Variants in GRID1 observed in about 807,000 individuals in gnomAD.
GRID1 encodes glutamate ionotropic receptor delta type subunit 1.
In GRID1, 28 loss-of-function variants were observed where a neutral mutation model predicts 98.0. The ratio of observed to expected loss-of-function variants is 0.29; its 90% CI spans 0.21 to 0.39. The LOEUF (loss-of-function observed/expected upper bound fraction) is 0.39, where lower values mean the gene tolerates loss of function less well. GRID1 is among the 10% of genes least tolerant of loss of function. The pLI is 1.00. For missense variants in GRID1, 1,111 were observed against 1,340.5 expected (o/e 0.83, Z 2.67); for synonymous variants, 553 against 538.5 (o/e 1.03, Z -0.37).
chr10:86,180,264 C>A (rs1474429691), intron 3 of GRID1, among the ~76,000 whole-genome samples: 1 of 152,142 alleles, frequency 6.6e-6, no homozygotes, highest in Non-Finnish European at 1.5e-5. Context: ...CTCAGCAACT[C>A]CTCTCCTCCA....
chr10:86,096,679 C>T (rs753917654), intron 4 of GRID1, among the ~76,000 whole-genome samples: 11 of 152,214 alleles, frequency 7.2e-5, no homozygotes, highest in Non-Finnish European at 1.5e-4. Context: ...TAATGGAATT[C>T]ACTGGTCTTA....
At chr10:85,632,340 C>A (rs1014725740) in intron 13 of GRID1, among the ~76,000 whole-genome samples, 2 of 152,140 alleles carry the variant, frequency 1.3e-5, no homozygotes, top group Admixed American at 1.3e-4. Context: ...ACAATCATGA[C>A]AATAAGCACC....
At chr10:86,140,532 C>T (rs1175267581) in intron 3 of GRID1, among the ~76,000 whole-genome samples, 1 of 152,232 alleles carries the variant, frequency 6.6e-6, no homozygotes, top group African/African-American at 2.4e-5. Flanking sequence ...CCCAGCTGGA[C>T]TGTGTGACAG....
At chr10:86,189,537 C>T (rs1564701748) in intron 3 of GRID1, among the ~76,000 whole-genome samples, 1 of 152,000 alleles carries the variant, frequency 6.6e-6, no homozygotes, top group African/African-American at 2.4e-5. Context: ...ATCACATGCA[C>T]ACATTTCCAC....
At chr10:85,911,680 A>G (rs530893507) in intron 5 of GRID1, among the ~76,000 whole-genome samples, 1 of 152,312 alleles carries the variant, frequency 6.6e-6, no homozygotes, top group South Asian at 2.1e-4. Context: ...TAACAATGGA[A>G]GCTGCCCAGC....
chr10:86,156,638 T>C (rs948953804), intron 3 of GRID1, among the ~76,000 whole-genome samples: 12 of 152,202 alleles, frequency 7.9e-5, no homozygotes, highest in African/African-American at 2.4e-4. Flanking sequence ...CTGTCACCCA[T>C]TGCCAAAAGA....
chr10:85,830,389 T>C (rs1315322241), intron 8 of GRID1, among the ~76,000 whole-genome samples: 1 of 152,092 alleles, frequency 6.6e-6, no homozygotes, highest in Non-Finnish European at 1.5e-5. Flanking sequence ...ATTCTGGACA[T>C]AGACCCTGGC....
At chr10:85,858,142 G>C (rs1843131192) in intron 6 of GRID1, among the ~76,000 whole-genome samples, 1 of 152,218 alleles carries the variant, frequency 6.6e-6, no homozygotes, top group Non-Finnish European at 1.5e-5. Context: ...GCTCTGTCCT[G>C]TCTGCCACTG....
intron 3 of GRID1, among the ~76,000 whole-genome samples, chr10:86,166,457 T>C (rs1393997977): frequency 6.6e-6 from 1 of 152,214 alleles, no homozygotes; most frequent in Non-Finnish European, 1.5e-5. Flanking sequence ...TTAGCAGCAT[T>C]TACTGAGCCA....
At chr10:85,781,991 T>C (rs998250260) in intron 8 of GRID1, among the ~76,000 whole-genome samples, 1 of 152,232 alleles carries the variant, frequency 6.6e-6, no homozygotes, top group African/African-American at 2.4e-5. Flanking sequence ...ATTGGTTTGA[T>C]CTATTTTTGT....
chr10:86,105,193 C>T (rs1844363108), intron 4 of GRID1, among the ~76,000 whole-genome samples: 1 of 152,276 alleles, frequency 6.6e-6, no homozygotes, highest in Non-Finnish European at 1.5e-5. Flanking sequence ...AACTGTTACC[C>T]CAAATACCTG....
chr10:85,993,842 G>A (rs752421477), intron 4 of GRID1, among the ~76,000 whole-genome samples: 30 of 152,008 alleles, frequency 2.0e-4, no homozygotes, highest in Non-Finnish European at 2.8e-4. Context: ...AATGAGACTC[G>A]CCCAAAATCA....
intron 8 of GRID1, among the ~76,000 whole-genome samples, chr10:85,734,384 C>T (rs1564574011): frequency 6.6e-6 from 1 of 152,062 alleles, no homozygotes; most frequent in Non-Finnish European, 1.5e-5. Context: ...TACGAGAAGG[C>T]CATGTAAATT....
chr10:86,303,090 T>C lies in GRID1; in HGVS notation c.235+60851A>G, dbSNP rs564759751. Among the ~76,000 whole-genome samples, 29 of 152,394 alleles carry C rather than the reference T, an allele frequency of 1.9e-4. No homozygotes were observed. In the South Asian group the frequency reaches 5.6e-3, roughly 29 times the overall value. On this transcript the variant is annotated intron_variant, in intron 2 of 15. Coordinates refer to ENST00000327946, the MANE Select transcript of GRID1 (RefSeq NM_017551.3). ...AATTTGAATATGGATTGTGTTAGACTATATTAAGAAATTAGAATTATTCTG... is the reference window on the plus strand; with the variant it reads ...AATTTGAATATGGATTGTGTTAGACCATATTAAGAAATTAGAATTATTCTG...
intron 9 of GRID1, 25 bp downstream of exon 9, chr10:85,729,488 T>A (rs762487930): frequency 7.2e-7 from 1 of 1,390,964 alleles, no homozygotes; most frequent in Non-Finnish European, 1.0e-6. Flanking sequence ...TGTAGCTCGC[T>A]CCCAGAATGT....
At chr10:85,682,803 AG>A (rs1191517504) in intron 12 of GRID1, among the ~76,000 whole-genome samples, 1 of 152,186 alleles carries the variant, frequency 6.6e-6, no homozygotes, top group African/African-American at 2.4e-5. Context: ...TCTGATGTGC[AG>A]CCAAGCTCCT....
chr10:85,747,514 T>C (rs1474854104), intron 8 of GRID1, among the ~76,000 whole-genome samples: 2 of 152,108 alleles, frequency 1.3e-5, no homozygotes, highest in Non-Finnish European at 2.9e-5. Flanking sequence ...CTCATAGGGC[T>C]CAGGCCTCCT....
At chr10:86,152,863 T>A (rs1452425619) in intron 3 of GRID1, among the ~76,000 whole-genome samples, 1 of 152,344 alleles carries the variant, frequency 6.6e-6, no homozygotes, top group Admixed American at 6.5e-5. Flanking sequence ...CAGGGAGGCT[T>A]CTGCCTTCAC....
intron 2 of GRID1, among the ~76,000 whole-genome samples, chr10:86,211,501 G>T (rs539664414): frequency 6.6e-6 from 1 of 152,200 alleles, no homozygotes; most frequent in Non-Finnish European, 1.5e-5. Flanking sequence ...TGTGGGGGGT[G>T]CCCAGACAGC....
Sources: gnomAD v4.1 joint callset for allele counts (sites outside exome capture counted in the v4.1 genomes callset) on GRCh38, gnomAD v4.1.1 for gene constraint, MANE v1.5 for transcripts, NCBI Gene and HGNC (gene_info 2026-07-23, HGNC 2026-07-21) for gene names.